Variants in AUTS2 observed in about 807,000 individuals in gnomAD.
AUTS2 encodes the protein autism susceptibility gene 2 protein.
In AUTS2, 17 loss-of-function variants were observed where a neutral mutation model predicts 112.4. The ratio of observed to expected loss-of-function variants is 0.15; its 90% confidence interval spans 0.10 to 0.23. AUTS2 has a LOEUF of 0.23. Among genes scored for constraint, AUTS2 ranks in the 10% least tolerant of loss-of-function variants. AUTS2 has a pLI of 1.00. For synonymous variants in AUTS2, 751 were observed against 702.7 expected, an observed-to-expected ratio of 1.07 and a Z score of -1.09; for missense variants, 1,510 against 1,701.6, an observed-to-expected ratio of 0.89 and a Z score of 1.98.
In AUTS2 at chr7:70,586,248, G is replaced by A. The variant is rs913267090; in HGVS notation, c.691-112321G>A. ...ATAGCAAAAGTATAAATGCCATACC[G>A]TGCATGATAAATATCAAATTGGTGA... On this transcript the variant is annotated intron_variant, in intron 5 of 18. Coordinates refer to ENST00000342771, the MANE Select transcript of AUTS2 (RefSeq NM_015570.4). Among the ~76,000 whole-genome samples the A allele has an allele frequency of 6.6e-5, 10 of 152,270 alleles. No homozygotes were observed. The East Asian group carries it at 1.4e-3, about 21-fold the overall frequency.
intron 2 of AUTS2, among the ~76,000 whole-genome samples, chr7:70,014,670 T>C (rs538571425): frequency 6.6e-6 from 1 of 152,236 alleles, no homozygotes; most frequent in Non-Finnish European, 1.5e-5. Context: ...TGTGTTTTGC[T>C]TCTTTGTGTG....
At chr7:69,931,726 G>A (rs1249155030) in intron 2 of AUTS2, among the ~76,000 whole-genome samples, 1 of 152,050 alleles carries the variant, frequency 6.6e-6, no homozygotes, top group Non-Finnish European at 1.5e-5. Context: ...TTCCCCATCT[G>A]CACTCTGACC....
intron 1 of AUTS2, among the ~76,000 whole-genome samples, chr7:69,601,015 C>T (rs1295520600): frequency 6.6e-6 from 1 of 151,644 alleles, no homozygotes; most frequent in Non-Finnish European, 1.5e-5. Context: ...GAGGGGGAGA[C>T]TGTCCAGGGT....
intron 5 of AUTS2, among the ~76,000 whole-genome samples, chr7:70,679,725 G>A (rs1016379496): frequency 6.6e-6 from 1 of 152,136 alleles, no homozygotes; most frequent in African/African-American, 2.4e-5. Context: ...GGTTCTCAAT[G>A]TGGCCTGCAC....
intron 1 of AUTS2, among the ~76,000 whole-genome samples, chr7:69,745,689 A>AGGG (rs1234926250): frequency 6.6e-6 from 1 of 152,180 alleles, no homozygotes; most frequent in African/African-American, 2.4e-5. Flanking sequence ...GGAGCTGTAA[A>AGGG]TTAGAAATTA....
intron 2 of AUTS2, among the ~76,000 whole-genome samples, chr7:69,988,539 TA>T (rs1460719759): frequency 6.6e-6 from 1 of 151,850 alleles, no homozygotes; most frequent in South Asian, 2.1e-4. Flanking sequence ...CTATAAATTG[TA>T]AACTCCTCAA....
chr7:70,009,427 T>A (rs1453387654), intron 2 of AUTS2, among the ~76,000 whole-genome samples: 2 of 152,208 alleles, frequency 1.3e-5, no homozygotes, highest in Non-Finnish European at 2.9e-5. Context: ...AGGAACTATT[T>A]ACGTTGCAGC....
At chr7:70,594,241 C>T (rs1437508802) in intron 5 of AUTS2, among the ~76,000 whole-genome samples, 2 of 152,128 alleles carry the variant, frequency 1.3e-5, no homozygotes, top group African/African-American at 4.8e-5. Flanking sequence ...TTCAGGTGAC[C>T]CTGGCAAGTA....
intron 1 of AUTS2, among the ~76,000 whole-genome samples, chr7:69,804,164 G>C (rs558549957): frequency 6.6e-6 from 1 of 152,314 alleles, no homozygotes; most frequent in African/African-American, 2.4e-5. Context: ...TTGGCTGATA[G>C]TATTTGAGCA....
At chr7:70,135,543 G>T (rs568575734) in intron 4 of AUTS2, among the ~76,000 whole-genome samples, 5 of 151,962 alleles carry the variant, frequency 3.3e-5, no homozygotes, top group Non-Finnish European at 7.4e-5. Flanking sequence ...GTTTTCTTCT[G>T]CCCACGTATT....
rs771144854 is a variant in AUTS2 at position 70,766,083 on chromosome 7, G to A, written c.1469-31G>A. ...CCGATGTCCTTTTCTGAAGGAAAAG[G>A]CGTCATCGTCTCCCTCTTCTTCTCT... On this transcript the variant is annotated intron_variant, in intron 8 of 18. Coordinates refer to ENST00000342771, the MANE Select transcript of AUTS2 (RefSeq NM_015570.4). The surrounding 1 kb of genome is among the most constrained non-coding windows in gnomAD (Gnocchi z 4.8). 70 of 1,601,906 alleles carry A rather than the reference G, an allele frequency of 4.4e-5. No individual in the cohort carries two copies. The highest frequency in any genetic ancestry group is 5.9e-5 in the Non-Finnish European group (69 of 1,171,354).
intron 3 of AUTS2, among the ~76,000 whole-genome samples, chr7:70,134,211 G>A (rs556378988): frequency 2.1e-4 from 32 of 152,206 alleles, no homozygotes; most frequent in African/African-American, 5.3e-4. Context: ...AAGCTGATGC[G>A]TGTCTGTTTA....
intron 5 of AUTS2, among the ~76,000 whole-genome samples, chr7:70,448,719 A>G (rs1216363108): frequency 6.6e-6 from 1 of 152,210 alleles, no homozygotes. Context: ...TAAGTAAGTT[A>G]CACTTGCACC....
intron 2 of AUTS2, among the ~76,000 whole-genome samples, chr7:69,958,386 G>C (rs1020628525): frequency 1.3e-5 from 2 of 152,114 alleles, no homozygotes; most frequent in Admixed American, 1.3e-4. Context: ...TATAAATCAG[G>C]ACTTGCTTCT....
intron 4 of AUTS2, among the ~76,000 whole-genome samples, chr7:70,136,082 A>G (rs900901326): frequency 1.3e-5 from 2 of 152,200 alleles, no homozygotes; most frequent in Admixed American, 1.3e-4. Context: ...TGAGATTTTC[A>G]TTATGCTTTT....
At chr7:70,557,680 G>A (rs1257860385) in intron 5 of AUTS2, among the ~76,000 whole-genome samples, 1 of 152,214 alleles carries the variant, frequency 6.6e-6, no homozygotes, top group South Asian at 2.1e-4. Context: ...TTGTGCAGAT[G>A]GCAGCTACTA....
intron 15 of AUTS2, chr7:70,782,167 G>A (rs568393847): frequency 3.3e-4 from 54 of 162,130 alleles, no homozygotes; most frequent in African/African-American, 1.2e-3. Flanking sequence ...ATTTTGCACC[G>A]GGATGCTCAG....
chr7:69,941,563 C>G (rs1016921172), intron 2 of AUTS2, among the ~76,000 whole-genome samples: 1 of 151,136 alleles, frequency 6.6e-6, no homozygotes, highest in African/African-American at 2.4e-5. Flanking sequence ...TCCAGTCTGC[C>G]CTACAGACCT....
intron 2 of AUTS2, among the ~76,000 whole-genome samples, chr7:69,963,440 T>C (rs940992903): frequency 1.3e-5 from 2 of 152,112 alleles, no homozygotes; most frequent in Admixed American, 6.6e-5. Context: ...CCCTTCCTTA[T>C]AGGATGTCAG....
Sources: allele counts gnomAD v4.1 joint callset (sites outside exome capture counted in the v4.1 genomes callset), GRCh38; gene constraint gnomAD v4.1.1; non-coding constraint Gnocchi (gnomAD v3.1); transcripts MANE v1.5; gene names NCBI Gene and HGNC (gene_info 2026-07-23, HGNC 2026-07-21).